Variants in PCDHGA12 observed in about 807,000 individuals in gnomAD.
PCDHGA12 encodes protocadherin gamma-A12.
A neutral mutation model predicts 61.1 loss-of-function variants in PCDHGA12; 43 were observed. The observed-to-expected ratio is 0.70, with a 90% CI of 0.55 to 0.91. PCDHGA12 has a LOEUF of 0.91. PCDHGA12 is among the 40% of genes least tolerant of loss of function. The pLI, the probability that PCDHGA12 is intolerant of heterozygous loss-of-function variation, is 0.00. For synonymous variants in PCDHGA12, 520 were observed against 542.9 expected, an observed-to-expected ratio of 0.96 and a Z score of 0.59; for missense variants, 1,236 against 1,227.7, an observed-to-expected ratio of 1.01 and a Z score of -0.10.
At chr5:141,445,768 T>A (rs2098476928) in intron 1 of PCDHGA12, among the ~76,000 whole-genome samples, 1 of 152,074 alleles carries the variant, frequency 6.6e-6, no homozygotes, top group Admixed American at 6.6e-5. Context: ...CTCAAGCAAT[T>A]TAAAAGGGCT....
At chr5:141,442,694 C>A (rs549307212) in intron 1 of PCDHGA12, among the ~76,000 whole-genome samples, 22 of 152,304 alleles carry the variant, frequency 1.4e-4, no homozygotes, top group Non-Finnish European at 3.1e-4. Flanking sequence ...GTCAGGCAGA[C>A]AAGAGTATCA....
intron 1 of PCDHGA12, among the ~76,000 whole-genome samples, chr5:141,454,918 C>T (rs1474616925): frequency 6.7e-6 from 1 of 149,344 alleles, no homozygotes; most frequent in Non-Finnish European, 1.5e-5. Context: ...CGCCATTCTC[C>T]TGCCTCAGCC....
In PCDHGA12 at chr5:141,489,645, C is replaced by T; in HGVS notation, c.2425-5162C>T. 1.2e-6 allele frequency: 2 copies of T among 1,614,156 alleles called. No homozygotes were observed. The highest frequency in any genetic ancestry group is 2.7e-5 in the African/African-American group (2 of 75,022). On this transcript the variant is annotated intron_variant, in intron 1 of 3. Transcript: ENST00000252085. This position sits in a 1 kb window ranked among gnomAD's most constrained non-coding sequence, Gnocchi z 4.5. ...ATGACAACTCTCCTAGCTTTGCCAC[C>T]CCTGAGCGAGAGATGCGCATCTCAG...
chr5:141,490,473 T>C lies in PCDHGA12; in HGVS notation c.2425-4334T>C. 6.2e-7 allele frequency: 1 copy of C among 1,614,228 alleles called. No homozygotes were observed. Among genetic ancestry groups the C allele is most frequent in the East Asian group, 2.2e-5 (1 of 44,878 alleles). On this transcript the variant is annotated intron_variant, in intron 1 of 3. Transcript: ENST00000252085. This position sits in a 1 kb window ranked among gnomAD's most constrained non-coding sequence, Gnocchi z 5.4. ...ACTACTCGCTGCTAACCAGCCAGCC[T>C]TTGGACCGGGAGGCCACATCCCACT...
chr5:141,435,558 T>C (rs1401876733), intron 1 of PCDHGA12, among the ~76,000 whole-genome samples: 1 of 152,136 alleles, frequency 6.6e-6, no homozygotes, highest in Non-Finnish European at 1.5e-5. Flanking sequence ...TTTTGAGTGC[T>C]TTTTTTAGTA....
At chr5:141,452,460 G>A (rs750887712) in intron 1 of PCDHGA12, among the ~76,000 whole-genome samples, 1 of 152,140 alleles carries the variant, frequency 6.6e-6, no homozygotes, top group Non-Finnish European at 1.5e-5. Flanking sequence ...GTCAGCAGAC[G>A]GAGCTAGGAA....
Position 141,431,354 on chromosome 5 carries a change from G to A in PCDHGA12, c.595G>A (p.Ala199Thr), listed in dbSNP as rs777198567. The change falls in exon 1 of 4, where the codon GCC (alanine) becomes ACC (threonine). Residue 199 changes from alanine to threonine, a missense_variant. Physicochemically the swap from Ala to Thr is moderately conservative, Grantham distance 58 (BLOSUM62 0). Coordinates refer to ENST00000252085, the MANE Select transcript of PCDHGA12 (RefSeq NM_003735.3). This position sits in a 1 kb window ranked among gnomAD's most constrained non-coding sequence, Gnocchi z 4.8. ...SKYPELVLKR[A>T]LDREEKAAHH... ...GTACCCCGAATTGGTGCTGAAACGC[G>A]CCCTGGACCGCGAAGAAAAGGCTGC... is the stretch of plus-strand genomic sequence containing the variant. 1 of 1,614,036 alleles carries A rather than the reference G, an allele frequency of 6.2e-7. No homozygotes were observed. Among genetic ancestry groups the A allele is most frequent in the South Asian group, 1.1e-5 (1 of 91,086 alleles).
At chr5:141,456,873 G>A (rs2098894054) in intron 1 of PCDHGA12, among the ~76,000 whole-genome samples, 1 of 152,152 alleles carries the variant, frequency 6.6e-6, no homozygotes, top group Non-Finnish European at 1.5e-5. Context: ...TGAGGCAGGA[G>A]AATCGCTTGA....
At chr5:141,440,887 G>C (rs1423303973) in intron 1 of PCDHGA12, 4 of 152,206 alleles carry the variant, frequency 2.6e-5, no homozygotes, top group Non-Finnish European at 5.9e-5. Context: ...TCGGCCTTCA[G>C]GAAGATGTGC....
At chr5:141,458,319 T>C (rs2879229) in intron 1 of PCDHGA12, among the ~76,000 whole-genome samples, 84,591 of 151,864 alleles carry the variant, frequency 0.56, 26,265 homozygotes, top group African/African-American at 0.85. Flanking sequence ...CACAGACACA[T>C]GTGGAGTGGT....
At chr5:141,474,090 AAACAACAACAAAAAC>A (rs1459798801) in intron 1 of PCDHGA12, among the ~76,000 whole-genome samples, 1 of 152,206 alleles carries the variant, frequency 6.6e-6, no homozygotes, top group African/African-American at 2.4e-5. Flanking sequence ...ACCAAAAAAC[AAACAACAACAAAAAC>A]AACAACAACG....
chr5:141,479,801 G>A (rs2099507037), intron 1 of PCDHGA12, among the ~76,000 whole-genome samples: 1 of 152,118 alleles, frequency 6.6e-6, no homozygotes, highest in Non-Finnish European at 1.5e-5. Flanking sequence ...AATTCAGGGT[G>A]GTATGCAAGG....
intron 1 of PCDHGA12, chr5:141,441,530 A>T (rs2154559371): frequency 5.8e-6 from 1 of 172,118 alleles, no homozygotes; most frequent in Non-Finnish European, 1.2e-5. Flanking sequence ...GCCAAGAACA[A>T]TCTTCCCAAA....
chr5:141,507,296 C>T (rs1020117646), intron 3 of PCDHGA12: 1 of 141,360 alleles, frequency 7.1e-6, no homozygotes, highest in Non-Finnish European at 1.5e-5. Flanking sequence ...TCAAATGTTG[C>T]ATGAGACATA....
In PCDHGA12 at chr5:141,511,149, G is replaced by T; in HGVS notation, c.2775G>T (p.Lys925Asn). The change falls in exon 4 of 4, where the codon AAG becomes AAT. Residue 925 changes from lysine to asparagine, a missense_variant. By Grantham distance (94) the Lys-to-Asn change is moderately conservative. Transcript: ENST00000252085. ...APAGGNGNKKKSGKKEKK is the reference protein window; with the variant it reads ...APAGGNGNKKNSGKKEKK The stretch of plus-strand genomic sequence containing the variant: ...CAGGTGGCAATGGCAACAAGAAGAA[G>T]TCGGGCAAGAAGGAGAAGAAGTAAC... 1 of 1,614,176 alleles carries T rather than the reference G, an allele frequency of 6.2e-7. No homozygotes were observed. The highest frequency in any genetic ancestry group is 8.5e-7 in the Non-Finnish European group (1 of 1,179,998).
Position 141,491,739 on chromosome 5 carries a change from C to A in PCDHGA12, c.2425-3068C>A, listed in dbSNP as rs372183034. ...CGCCGCCCCGGGCGACCCCTGGGGG[C>A]GGCACTGGAGAAGCCGCCCGTCCTC... On this transcript the variant is annotated intron_variant, in intron 1 of 3. Transcript: ENST00000252085. The surrounding 1 kb of genome is among the most constrained non-coding windows in gnomAD (Gnocchi z 6.9). 2 of 1,598,886 alleles carry A rather than the reference C, an allele frequency of 1.3e-6. No individual in the cohort carries two copies. The highest frequency in any genetic ancestry group is 1.3e-5 in the African/African-American group (1 of 74,290).
In PCDHGA12 at chr5:141,493,985, C is replaced by A. The variant is rs1444608753; in HGVS notation, c.2425-822C>A. On this transcript the variant is annotated intron_variant, in intron 1 of 3. Coordinates refer to ENST00000252085, the MANE Select transcript of PCDHGA12 (RefSeq NM_003735.3). This position sits in a 1 kb window ranked among gnomAD's most constrained non-coding sequence, Gnocchi z 4.3. ...GCTGGCCAGAGCCCCACACCTTCAGCTAGGTGGGAGATGGCTACACATCAG... is the reference window on the plus strand; with the variant it reads ...GCTGGCCAGAGCCCCACACCTTCAGATAGGTGGGAGATGGCTACACATCAG... Among the ~76,000 whole-genome samples the A allele has an allele frequency of 6.6e-6, 1 of 152,196 alleles. No individual in the cohort carries two copies. The highest frequency in any genetic ancestry group is 1.5e-5 in the Non-Finnish European group (1 of 68,032).
Position 141,505,409 on chromosome 5 carries a change from G to T in PCDHGA12, c.2500G>T (p.Asp834Tyr). The change falls in exon 3 of 4, where the codon GAC (aspartate) becomes TAC (tyrosine). Residue 834 changes from aspartate to tyrosine, a missense_variant. Asp to Tyr is a radical substitution (Grantham distance 160). Transcript: ENST00000252085. ...PGTSGSQNGD[D>Y]TGTWPNNQFD... Reference sequence around the variant, plus strand: ...TCTCCCCAGCTCCCAAAATGGCGATGACACCGGCACCTGGCCCAACAACCA... The same window carrying T: ...TCTCCCCAGCTCCCAAAATGGCGATTACACCGGCACCTGGCCCAACAACCA... 6.2e-7 allele frequency: 1 copy of T among 1,614,200 alleles called. No individual in the cohort carries two copies. Among genetic ancestry groups the T allele is most frequent in the Non-Finnish European group, 8.5e-7 (1 of 1,180,048 alleles).
chr5:141,457,168 C>T (rs10072917), intron 1 of PCDHGA12, among the ~76,000 whole-genome samples: 42,426 of 152,004 alleles, frequency 0.28, 6,644 homozygotes, highest in African/African-American at 0.43. Context: ...ATGGATAACC[C>T]TATTGCAAAT....
Sources: gnomAD v4.1 joint callset for allele counts (sites outside exome capture counted in the v4.1 genomes callset) on GRCh38, gnomAD v4.1.1 for gene constraint, Gnocchi (gnomAD v3.1) non-coding constraint, MANE v1.5 for transcripts, NCBI Gene and HGNC (gene_info 2026-07-23, HGNC 2026-07-21) for gene names.